The following ZNF676 variants were observed in gnomAD, a reference collection of about 807,000 sequenced individuals.
The protein encoded by ZNF676 is zinc finger protein 676.
Under a neutral mutation model 6.0 loss-of-function variants are expected in ZNF676, and 4 were observed. That is an observed-to-expected ratio of 0.67 (90% confidence interval 0.33 to 1.53). The LOEUF (loss-of-function observed/expected upper bound fraction) is 1.53. Ranked by LOEUF, ZNF676 falls within the 40% of genes most tolerant of loss-of-function variation. ZNF676 has a pLI of 0.06. For missense variants in ZNF676, 644 were observed against 679.7 expected, an observed-to-expected ratio of 0.95 and a Z score of 0.58; for synonymous variants, 198 against 223.1, an observed-to-expected ratio of 0.89 and a Z score of 1.00.
At chr19:22,210,107 A>G (rs1222209678) in intron 1 of ZNF676, among the ~76,000 whole-genome samples, 1 of 152,206 alleles carries the variant, frequency 6.6e-6, no homozygotes, top group Non-Finnish European at 1.5e-5. Flanking sequence ...AACAAGGGGC[A>G]GTGTGACAGC....
At chr19:22,214,920 A>C (rs2144835935) in intron 1 of ZNF676, among the ~76,000 whole-genome samples, 1 of 151,460 alleles carries the variant, frequency 6.6e-6, no homozygotes, top group African/African-American at 2.4e-5. Context: ...GGGCACCTGC[A>C]GTCGCAGCTA....
intron 1 of ZNF676, among the ~76,000 whole-genome samples, chr19:22,212,880 A>G (rs2024144241): frequency 6.6e-6 from 1 of 152,006 alleles, no homozygotes; most frequent in African/African-American, 2.4e-5. Context: ...CTGTAGTCCC[A>G]GCTACTTGGG....
At chr19:22,230,681 C>T in the ZNF676 span, among the ~76,000 whole-genome samples, 7 of 149,528 alleles carry the variant, frequency 4.7e-5, no homozygotes, top group African/African-American at 7.4e-5. Flanking sequence ...TTTTTTGAGC[C>T]GAGTTTTACT....
At chr19:22,219,265 A>G (rs1041763378), upstream of ZNF676, among the ~76,000 whole-genome samples, 32 of 151,650 alleles carry the variant, frequency 2.1e-4, no homozygotes, top group Admixed American at 3.9e-4. Context: ...CAACCGGCTA[A>G]TTTTTGTATT....
the ZNF676 span, among the ~76,000 whole-genome samples, chr19:22,228,529 A>C: frequency 6.6e-6 from 1 of 152,206 alleles, no homozygotes; most frequent in Non-Finnish European, 1.5e-5. Flanking sequence ...AGAAAGAAAT[A>C]ATGAGTATTC....
chr19:22,200,006 G>A (rs1401607621), upstream of ZNF676, among the ~76,000 whole-genome samples: 2 of 151,906 alleles, frequency 1.3e-5, no homozygotes, highest in Non-Finnish European at 2.9e-5. Context: ...AAGACTCCAG[G>A]GTAGGGCCAG....
chr19:22,244,557 G>A, the ZNF676 span: 4 of 152,212 alleles, frequency 2.6e-5, no homozygotes, highest in African/African-American at 9.6e-5. Flanking sequence ...GCTGTATGAG[G>A]AATGTCACAT....
upstream of ZNF676, among the ~76,000 whole-genome samples, chr19:22,219,860 G>A (rs2024229968): frequency 6.6e-6 from 1 of 151,906 alleles, no homozygotes; most frequent in African/African-American, 2.4e-5. Flanking sequence ...TCACCATGTT[G>A]GCCAAGCTGA....
chr19:22,198,284 T>C (rs1336284611), upstream of ZNF676, among the ~76,000 whole-genome samples: 2 of 152,170 alleles, frequency 1.3e-5, no homozygotes, highest in Non-Finnish European at 2.9e-5. Context: ...CATAGTGAGA[T>C]TTCTGCATGG....
chr19:22,241,261 A>G, the ZNF676 span, among the ~76,000 whole-genome samples: 1 of 151,930 alleles, frequency 6.6e-6, no homozygotes, highest in South Asian at 2.1e-4. Context: ...CACATGTCCC[A>G]GTTTCAGGTA....
the ZNF676 span, among the ~76,000 whole-genome samples, chr19:22,238,584 C>T: frequency 6.6e-6 from 1 of 152,086 alleles, no homozygotes; most frequent in Non-Finnish European, 1.5e-5. Flanking sequence ...TATTCTGTTC[C>T]TCTAGAACCA....
At chr19:22,241,459 A>C in the ZNF676 span, among the ~76,000 whole-genome samples, 4 of 151,864 alleles carry the variant, frequency 2.6e-5, no homozygotes, top group Non-Finnish European at 5.9e-5. Context: ...AGAGCCACAT[A>C]TAAGAGTTAA....
chr19:22,259,878 C>T, the ZNF676 span: 1 of 152,170 alleles, frequency 6.6e-6, no homozygotes, highest in African/African-American at 2.4e-5. Context: ...AGAAGAGAAT[C>T]ATATCACCTT....
intron 1 of ZNF676, among the ~76,000 whole-genome samples, chr19:22,214,118 A>G (rs2024159662): frequency 6.6e-6 from 1 of 152,190 alleles, no homozygotes; most frequent in Non-Finnish European, 1.5e-5. Flanking sequence ...GCATTTGGGA[A>G]TGTCAGAAGG....
At chr19:22,235,032 GAA>G in the ZNF676 span, among the ~76,000 whole-genome samples, 2 of 131,858 alleles carry the variant, frequency 1.5e-5, no homozygotes, top group Admixed American at 7.7e-5. Flanking sequence ...AAGAAAGAAA[GAA>G]AAGAAAAGAA....
the ZNF676 span, among the ~76,000 whole-genome samples, chr19:22,226,425 T>C: frequency 6.6e-6 from 1 of 152,150 alleles, no homozygotes; most frequent in African/African-American, 2.4e-5. Context: ...TGTTTAAAAA[T>C]CCTGTGCTAT....
chr19:22,186,820 CAAG>C lies in ZNF676; in HGVS notation c.131-5237_131-5235del, dbSNP rs1368659515. Among the ~76,000 whole-genome samples, 7 of 152,244 alleles carry C rather than the reference CAAG, an allele frequency of 4.6e-5. No individual in the cohort carries two copies. In the South Asian group the frequency reaches 1.5e-3, roughly 32 times the overall value. ...CATAATGGTAAAAGGATCAATGCAACAAGAAGAGCTAACTATCGTAAATATATA... is the reference window on the plus strand; with the variant it reads ...CATAATGGTAAAAGGATCAATGCAACAAGAGCTAACTATCGTAAATATATA... On this transcript the variant is annotated intron_variant, in intron 2 of 2. Coordinates refer to ENST00000397121, the MANE Select transcript of ZNF676 (RefSeq NM_001001411.3).
At chr19:22,195,578 A>G (rs1336956592) in intron 1 of ZNF676, among the ~76,000 whole-genome samples, 2 of 152,228 alleles carry the variant, frequency 1.3e-5, no homozygotes, top group Non-Finnish European at 2.9e-5. Flanking sequence ...AACTGGATGC[A>G]GAGGCATACA....
At chr19:22,255,275 G>A in the ZNF676 span, among the ~76,000 whole-genome samples, 1 of 152,128 alleles carries the variant, frequency 6.6e-6, no homozygotes, top group African/African-American at 2.4e-5. Flanking sequence ...AAAATTGGCT[G>A]GGTTCATGTG....
Sources: allele counts gnomAD v4.1 joint callset (sites outside exome capture counted in the v4.1 genomes callset), GRCh38; gene constraint gnomAD v4.1.1; transcripts MANE v1.5; gene names NCBI Gene and HGNC (gene_info 2026-07-23, HGNC 2026-07-21).